Variants in ELP6 observed in about 807,000 individuals in gnomAD.
ELP6 encodes the protein elongator acetyltransferase complex subunit 6.
Under a neutral mutation model 28.1 loss-of-function variants are expected in ELP6, and 23 were observed. That is an observed-to-expected ratio of 0.82 (90% CI 0.59 to 1.16). The LOEUF (loss-of-function observed/expected upper bound fraction) is 1.16, where lower values mean the gene tolerates loss of function less well. ELP6 is among the 50% of genes most tolerant of loss of function. ELP6 has a pLI of 0.00. For missense variants in ELP6, 313 were observed against 334.6 expected, an observed-to-expected ratio of 0.94 and a Z score of 0.50; for synonymous variants, 132 against 135.8, an observed-to-expected ratio of 0.97 and a Z score of 0.19.
chr3:47,501,808 G>A lies in ELP6; in HGVS notation c.367C>T (p.Arg123Trp), dbSNP rs760033103. 75 of 1,613,882 alleles carry A rather than the reference G, an allele frequency of 4.6e-5. No individual in the cohort carries two copies. The highest frequency in any genetic ancestry group is 5.7e-5 in the Non-Finnish European group (67 of 1,179,954). The stretch of plus-strand genomic sequence containing the variant: ...CTGTCTACTGGCTTCAGGGCCTCCC[G>A]TACAAACTCAAACAATGGTTTCAAG... ...GNLKPLFEFV[R>W]EALKPVDSGE... The change falls in exon 5 of 7, where the codon CGG (arginine) becomes TGG (tryptophan). Residue 123 changes from arginine to tryptophan, a missense_variant. Transcript: ENST00000296149.
intron 5 of ELP6, chr3:47,500,504 T>C (rs904002110): frequency 1.3e-5 from 2 of 152,340 alleles, no homozygotes; most frequent in East Asian, 1.9e-4. Flanking sequence ...GTACCCTTTA[T>C]ACTCTTCCTT....
chr3:47,507,481 A>C, intron 3 of ELP6, among the ~76,000 whole-genome samples: 1 of 151,152 alleles, frequency 6.6e-6, no homozygotes, highest in East Asian at 2.0e-4. Flanking sequence ...TGTGCAACCC[A>C]CTGCTCCACC....
chr3:47,512,557 A>G (rs749003989), intron 1 of ELP6: 34 of 966,162 alleles, frequency 3.5e-5, no homozygotes, highest in Non-Finnish European at 4.2e-5. Flanking sequence ...TCAAAAATAA[A>G]TAAATAAATA....
chr3:47,497,823 T>C (rs1051031147), intron 6 of ELP6: 1 of 333,566 alleles, frequency 3.0e-6, no homozygotes, highest in African/African-American at 2.2e-5. Flanking sequence ...TCCCAAGTAC[T>C]AGGAAGGCTG....
intron 3 of ELP6, among the ~76,000 whole-genome samples, chr3:47,507,952 GCC>G (rs754118490): frequency 0.36 from 54,402 of 151,914 alleles, 10,068 homozygotes; most frequent in Middle Eastern, 0.48. Flanking sequence ...AGAAAAAGTA[GCC>G]AGTTTAGATA....
In ELP6 at chr3:47,503,975, T is replaced by C. The variant is rs569244933; in HGVS notation, c.323+355A>G. Among the ~76,000 whole-genome samples, 45 of 152,226 alleles carry C rather than the reference T, an allele frequency of 3.0e-4. 1 individual carries two copies. In the Middle Eastern group the frequency reaches 0.01, roughly 35 times the overall value. ...AAACAAAACAAACAAAACAAATGTATTTACAAAAACAGGCAGCTGACCCAT... is the reference window on the plus strand; with the variant it reads ...AAACAAAACAAACAAAACAAATGTACTTACAAAAACAGGCAGCTGACCCAT... On this transcript the variant is annotated intron_variant, in intron 4 of 6. Transcript: ENST00000296149.
In ELP6 at chr3:47,511,212, T is replaced by C. The variant is rs1709008209; in HGVS notation, c.69A>G (p.Leu23=). The change falls in exon 2 of 7, where the codon CTA becomes CTG. Residue 23 remains leucine, a synonymous_variant. Coordinates refer to ENST00000296149, the MANE Select transcript of ELP6 (RefSeq NM_001031703.3). ...PDRAEQGKLT[L]LCDAKTDGSF... is the part of the protein sequence containing the mutation. ...TCCCATCTGTCTTGGCATCACAGAG[T>C]AGAGTCAGTTTCCCCTAAAAGTTAC... 1 of 1,613,860 alleles carries C rather than the reference T, an allele frequency of 6.2e-7. No homozygotes were observed. Among genetic ancestry groups the C allele is most frequent in the African/African-American group, 1.3e-5 (1 of 74,864 alleles).
At chr3:47,510,055 CG>C in intron 3 of ELP6, 128 bp downstream of exon 3, 1 of 748,468 alleles carries the variant, frequency 1.3e-6, no homozygotes, top group Non-Finnish European at 2.2e-6. Flanking sequence ...CCACCACGCC[CG>C]GCCCAATATT....
intron 3 of ELP6, among the ~76,000 whole-genome samples, chr3:47,507,361 C>CA (rs11314928): frequency 5.3e-4 from 57 of 106,924 alleles, no homozygotes; most frequent in African/African-American, 1.2e-3. Flanking sequence ...AACTCTGTCT[C>CA]AAAAAAAAAA....
intron 5 of ELP6, chr3:47,500,282 G>A (rs1708608757): frequency 9.7e-7 from 1 of 1,034,658 alleles, no homozygotes; most frequent in Non-Finnish European, 1.2e-6. Context: ...GAAAAATGCA[G>A]GGAGACAAAT....
At chr3:47,498,122 TC>T (rs1708531545) in intron 6 of ELP6, 163 bp downstream of exon 6, 1 of 1,362,236 alleles carries the variant, frequency 7.3e-7, no homozygotes, top group African/African-American at 1.4e-5. Flanking sequence ...CTAAGCGCAA[TC>T]TGGAGCAGGT....
intron 3 of ELP6, among the ~76,000 whole-genome samples, chr3:47,505,776 T>C (rs916337003): frequency 1.3e-5 from 2 of 152,172 alleles, no homozygotes; most frequent in Middle Eastern, 3.2e-3. Flanking sequence ...TTCTCCATGT[T>C]GGTCAGCCTG....
chr3:47,503,746 C>T (rs1045959639), intron 4 of ELP6, among the ~76,000 whole-genome samples: 1 of 151,806 alleles, frequency 6.6e-6, no homozygotes, highest in Admixed American at 6.6e-5. Context: ...AAAAATTAGC[C>T]GGGCATGGTG....
intron 4 of ELP6, chr3:47,503,014 G>C (rs1302696139): frequency 3.0e-6 from 3 of 1,008,324 alleles, no homozygotes; most frequent in Non-Finnish European, 3.6e-6. Context: ...TCAGCAATGA[G>C]TGGAGGAACA....
In ELP6 at chr3:47,496,003, G is replaced by A. The variant is rs1387622580; in HGVS notation, c.*66C>T. 2 of 1,608,916 alleles carry A rather than the reference G, an allele frequency of 1.2e-6. No individual in the cohort carries two copies. The highest frequency in any genetic ancestry group is 1.3e-5 in the African/African-American group (1 of 74,582). ...CTACAGAGGAGAAAGACCCATTCTTGCTATGTTGCTCTATCTTCCACGTCC... is the reference window on the plus strand; with the variant it reads ...CTACAGAGGAGAAAGACCCATTCTTACTATGTTGCTCTATCTTCCACGTCC... On this transcript the variant is annotated 3_prime_UTR_variant, in exon 7 of 7. Transcript: ENST00000296149.
At chr3:47,503,867 G>T (rs953265418) in intron 4 of ELP6, among the ~76,000 whole-genome samples, 7 of 151,962 alleles carry the variant, frequency 4.6e-5, no homozygotes, top group Non-Finnish European at 1.0e-4. Flanking sequence ...CTCCAGCCTG[G>T]GTGACAGAGC....
chr3:47,504,169 G>A, intron 4 of ELP6, 161 bp downstream of exon 4: 12 of 871,598 alleles, frequency 1.4e-5, no homozygotes, highest in Non-Finnish European at 2.0e-5. Context: ...CCCATGATAA[G>A]AGCCAGCATT....
chr3:47,496,921 G>A (rs190914449), intron 6 of ELP6: 2 of 985,438 alleles, frequency 2.0e-6, no homozygotes, highest in East Asian at 2.3e-4. Context: ...TGGTGTTACT[G>A]CTGACTACAA....
intron 5 of ELP6, chr3:47,500,266 T>C (rs1708608676): frequency 9.6e-7 from 1 of 1,037,466 alleles, no homozygotes; most frequent in Non-Finnish European, 1.2e-6. Flanking sequence ...TTACCAGTAA[T>C]GTGAAGAAAA....
Sources: gnomAD v4.1 joint callset for allele counts (sites outside exome capture counted in the v4.1 genomes callset) on GRCh38, gnomAD v4.1.1 for gene constraint, MANE v1.5 for transcripts, NCBI Gene and HGNC (gene_info 2026-07-23, HGNC 2026-07-21) for gene names.